The following CYP39A1 variants were observed in gnomAD, a reference collection of about 807,000 sequenced individuals.
CYP39A1 encodes the protein cytochrome P450 family 39 subfamily A member 1.
Under a neutral mutation model 58.1 loss-of-function variants are expected in CYP39A1, and 49 were observed. The ratio of observed to expected loss-of-function variants is 0.84; its 90% CI spans 0.67 to 1.07. The LOEUF (loss-of-function observed/expected upper bound fraction) is 1.07. Among genes scored for constraint, CYP39A1 ranks in the 50% least tolerant of loss-of-function variants. The pLI is 0.00. For missense variants in CYP39A1, 531 were observed against 539.4 expected (o/e 0.98, Z 0.16); for synonymous variants, 209 against 187.6 (o/e 1.11, Z -0.93).
At chr6:46,626,736 CAG>C (rs1309742719) in intron 6 of CYP39A1, among the ~76,000 whole-genome samples, 4 of 152,122 alleles carry the variant, frequency 2.6e-5, no homozygotes, top group African/African-American at 9.7e-5. Context: ...GATGATGAAA[CAG>C]ATGCTCAGAG....
At chr6:46,592,715 G>A (rs1310921861) in intron 8 of CYP39A1, among the ~76,000 whole-genome samples, 2 of 152,144 alleles carry the variant, frequency 1.3e-5, no homozygotes, top group Non-Finnish European at 2.9e-5. Context: ...CAGCACTTTG[G>A]GAGGCCAAGG....
chr6:46,557,964 A>T (rs1300367381), intron 10 of CYP39A1, among the ~76,000 whole-genome samples: 1 of 151,092 alleles, frequency 6.6e-6, no homozygotes, highest in Non-Finnish European at 1.5e-5. Context: ...AGAAAAAAAG[A>T]AAAAGAAAAT....
intron 7 of CYP39A1, among the ~76,000 whole-genome samples, chr6:46,620,811 A>G (rs1774910269): frequency 6.6e-6 from 1 of 152,168 alleles, no homozygotes; most frequent in Non-Finnish European, 1.5e-5. Context: ...CTGTCTAGTT[A>G]ATACCTGATC....
intron 5 of CYP39A1, among the ~76,000 whole-genome samples, chr6:46,633,844 A>C (rs71566584): frequency 0.027 from 4,037 of 152,052 alleles, 73 homozygotes; most frequent in Non-Finnish European, 0.042. Flanking sequence ...GTGACAGAGC[A>C]AGACTCCATC....
At chr6:46,644,479 C>A (rs761542417) in intron 1 of CYP39A1, among the ~76,000 whole-genome samples, 1 of 152,090 alleles carries the variant, frequency 6.6e-6, no homozygotes, top group Non-Finnish European at 1.5e-5. Flanking sequence ...ATGATTTGCA[C>A]CACTGCACTC....
intron 7 of CYP39A1, among the ~76,000 whole-genome samples, chr6:46,598,488 C>T (rs1773302774): frequency 6.6e-6 from 1 of 152,158 alleles, no homozygotes; most frequent in African/African-American, 2.4e-5. Flanking sequence ...TGTCTTGATA[C>T]ACCATGGAAA....
intron 10 of CYP39A1, among the ~76,000 whole-genome samples, chr6:46,554,411 A>G (rs1054415210): frequency 4.6e-5 from 7 of 152,152 alleles, no homozygotes; most frequent in Non-Finnish European, 8.8e-5. Flanking sequence ...TTCTACAGGA[A>G]CATCAAATTC....
At chr6:46,605,626 A>C (rs1773800258) in intron 7 of CYP39A1, among the ~76,000 whole-genome samples, 1 of 152,184 alleles carries the variant, frequency 6.6e-6, no homozygotes, top group South Asian at 2.1e-4. Context: ...AGGAATCAAG[A>C]GAAGGCTAGA....
intron 7 of CYP39A1, among the ~76,000 whole-genome samples, chr6:46,623,628 C>A (rs1371384144): frequency 6.6e-6 from 1 of 152,078 alleles, no homozygotes; most frequent in Non-Finnish European, 1.5e-5. Context: ...TTTGAGTTTT[C>A]TCTCTCTCTT....
chr6:46,567,644 T>C (rs1771367495), intron 10 of CYP39A1, among the ~76,000 whole-genome samples: 1 of 152,128 alleles, frequency 6.6e-6, no homozygotes, highest in Admixed American at 6.6e-5. Flanking sequence ...ATTTTCTTTG[T>C]TTACGGTAGT....
intron 8 of CYP39A1, among the ~76,000 whole-genome samples, chr6:46,592,331 A>G (rs191599170): frequency 1.3e-5 from 2 of 152,312 alleles, no homozygotes; most frequent in East Asian, 3.9e-4. Flanking sequence ...ATTACTCAAC[A>G]TAGATAAGCC....
Position 46,564,137 on chromosome 6 carries a change from TC to T in CYP39A1, c.1251-10284del, listed in dbSNP as rs1350934329. 1.0e-2 allele frequency among the ~76,000 whole-genome samples: 1,230 copies of T among 123,102 alleles called. 66 individuals carry two copies. The highest frequency in any genetic ancestry group is 0.051 in the African/African-American group (1,034 of 20,376). The allele number at this position is 123,102 out of a possible 152,430, so 80.8% of individuals were successfully genotyped here. A position where few individuals can be genotyped will look rare whatever the true frequency, so the allele number is the denominator to read the frequency against. On this transcript the variant is annotated intron_variant, in intron 10 of 11. Transcript: ENST00000275016. Reference sequence around the variant, plus strand: ...TTTATTCTATTTTATTCTATTTTATTCTATTCTATTTTATTCTATTTTATTC... The same window carrying T: ...TTTATTCTATTTTATTCTATTTTATTTATTCTATTTTATTCTATTTTATTC...
intron 5 of CYP39A1, among the ~76,000 whole-genome samples, chr6:46,635,816 GC>G (rs1393264341): frequency 6.6e-6 from 1 of 152,062 alleles, no homozygotes. Context: ...TCCTGCGTCG[GC>G]CCCCCAAAGT....
At chr6:46,575,959 A>G (rs1047147370) in intron 10 of CYP39A1, among the ~76,000 whole-genome samples, 7 of 152,242 alleles carry the variant, frequency 4.6e-5, no homozygotes, top group Non-Finnish European at 5.9e-5. Flanking sequence ...TTTATGAAGA[A>G]AAAAGGTTTA....
intron 10 of CYP39A1, among the ~76,000 whole-genome samples, chr6:46,566,998 G>A (rs750621172): frequency 5.3e-5 from 8 of 152,006 alleles, no homozygotes; most frequent in African/African-American, 9.7e-5. Context: ...AAGTGGGGGG[G>A]TGAGAAAATT....
At chr6:46,588,473 T>TA (rs2150512679) in intron 8 of CYP39A1, among the ~76,000 whole-genome samples, 1 of 152,246 alleles carries the variant, frequency 6.6e-6, no homozygotes, top group South Asian at 2.1e-4. Flanking sequence ...AAGTCCCTTC[T>TA]AATGTACCTT....
chr6:46,579,977 C>T (rs1170143786), intron 10 of CYP39A1, among the ~76,000 whole-genome samples: 2 of 152,110 alleles, frequency 1.3e-5, no homozygotes, highest in African/African-American at 4.8e-5. Flanking sequence ...CTACCAAAGT[C>T]ATTTTCCACA....
Position 46,611,594 on chromosome 6 carries a change from G to T in CYP39A1, c.931+13824C>A, listed in dbSNP as rs572615004. 7.2e-5 allele frequency among the ~76,000 whole-genome samples: 11 copies of T among 152,230 alleles called. No individual in the cohort carries two copies. In the South Asian group the frequency reaches 2.1e-3, roughly 29 times the overall value. ...AATATTTGGTGTTATTTTAAGAAGT[G>T]CTTCTCTCATATTTTAAAAAAGAGA... On this transcript the variant is annotated intron_variant, in intron 7 of 11. Transcript: ENST00000275016.
chr6:46,633,934 C>T (rs186459879), intron 5 of CYP39A1, among the ~76,000 whole-genome samples: 29 of 152,284 alleles, frequency 1.9e-4, no homozygotes, highest in Non-Finnish European at 2.8e-4. Flanking sequence ...TAGAGGAAAA[C>T]AGAGACGCAA....
Sources: allele counts gnomAD v4.1 joint callset (sites outside exome capture counted in the v4.1 genomes callset), GRCh38; gene constraint gnomAD v4.1.1; transcripts MANE v1.5; gene names NCBI Gene and HGNC (gene_info 2026-07-23, HGNC 2026-07-21).